The following CSMD1 variants were observed in gnomAD, a reference collection of about 807,000 sequenced individuals.
CSMD1 encodes CUB and sushi domain-containing protein 1.
Under a neutral mutation model 417.5 loss-of-function variants are expected in CSMD1, and 213 were observed. That is an observed-to-expected ratio of 0.51 (90% CI 0.46 to 0.57). The LOEUF (loss-of-function observed/expected upper bound fraction) is 0.57. Ranked by LOEUF, CSMD1 falls within the 20% of genes least tolerant of loss-of-function variation. The pLI, the probability that CSMD1 is intolerant of heterozygous loss-of-function variation, is 0.00. For synonymous variants in CSMD1, 2,862 were observed against 1,736.8 expected (o/e 1.65, Z -16.11); for missense variants, 6,923 against 4,529.7 (o/e 1.53, Z -15.17).
At chr8:3,434,271 A>C (rs1309243818) in intron 12 of CSMD1, among the ~76,000 whole-genome samples, 2 of 152,134 alleles carry the variant, frequency 1.3e-5, no homozygotes, top group African/African-American at 4.8e-5. Context: ...ACTGTGTTTC[A>C]TTTTCAGGTT....
At chr8:4,704,401 T>G (rs994414235) in intron 1 of CSMD1, among the ~76,000 whole-genome samples, 1 of 152,248 alleles carries the variant, frequency 6.6e-6, no homozygotes, top group Admixed American at 6.5e-5. Flanking sequence ...TTTATTTACT[T>G]ATCTATTGTT....
At chr8:3,789,509 A>T (rs1799616759) in intron 5 of CSMD1, among the ~76,000 whole-genome samples, 1 of 148,954 alleles carries the variant, frequency 6.7e-6, no homozygotes, top group African/African-American at 2.5e-5. Flanking sequence ...ATGAAATGCT[A>T]CCATTCAGGT....
In CSMD1 at chr8:4,812,597, CT is replaced by C. The variant is rs1188345730; in HGVS notation, c.86-175040del. ...ATATATTAAAGTCAATCCAAGCAAG[CT>C]TTTTTTAAAAAAACCTACATACAAT... is the stretch of plus-strand genomic sequence containing the variant. On this transcript the variant is annotated intron_variant, in intron 1 of 69. Transcript: ENST00000635120. Among the ~76,000 whole-genome samples, 11 of 151,524 alleles carry C rather than the reference CT, an allele frequency of 7.3e-5. No individual in the cohort carries two copies. In the East Asian group the frequency reaches 1.6e-3, roughly 22 times the overall value.
chr8:4,556,406 A>T (rs1396301669), intron 2 of CSMD1, among the ~76,000 whole-genome samples: 2 of 152,150 alleles, frequency 1.3e-5, no homozygotes, highest in African/African-American at 4.8e-5. Flanking sequence ...AGCTGGCAAG[A>T]CTACACGGAG....
At chr8:4,086,238 G>C (rs1800412342) in intron 3 of CSMD1, among the ~76,000 whole-genome samples, 1 of 151,968 alleles carries the variant, frequency 6.6e-6, no homozygotes, top group Non-Finnish European at 1.5e-5. Flanking sequence ...ACATCTTCAT[G>C]AACAAAGACA....
At chr8:3,678,849 G>T (rs1363777007) in intron 7 of CSMD1, among the ~76,000 whole-genome samples, 2 of 152,118 alleles carry the variant, frequency 1.3e-5, no homozygotes, top group African/African-American at 2.4e-5. Flanking sequence ...TCAGCAGAAA[G>T]TCTACAAGCC....
At chr8:3,124,100 T>C (rs1294084263) in intron 41 of CSMD1, among the ~76,000 whole-genome samples, 11 of 152,212 alleles carry the variant, frequency 7.2e-5, no homozygotes, top group Non-Finnish European at 1.2e-4. Context: ...GTTGTTTTTT[T>C]TTCTTTTCTC....
intron 25 of CSMD1, among the ~76,000 whole-genome samples, chr8:3,292,380 C>G (rs1450960267): frequency 1.3e-5 from 2 of 151,978 alleles, no homozygotes; most frequent in East Asian, 3.9e-4. Context: ...CCTGGGTATC[C>G]TTGTTAACTT....
At chr8:4,753,684 C>T (rs1423573017) in intron 1 of CSMD1, among the ~76,000 whole-genome samples, 1 of 152,152 alleles carries the variant, frequency 6.6e-6, no homozygotes, top group South Asian at 2.1e-4. Flanking sequence ...CCTGGTGTCT[C>T]TTCTGACCTT....
At chr8:3,235,916 GTT>G (rs11414439) in intron 26 of CSMD1, among the ~76,000 whole-genome samples, 3 of 119,374 alleles carry the variant, frequency 2.5e-5, no homozygotes, top group African/African-American at 3.2e-5. Flanking sequence ...GAAGATGTAA[GTT>G]TTTTTTTTTT....
At chr8:4,538,201 T>TC (rs951521719) in intron 2 of CSMD1, among the ~76,000 whole-genome samples, 13 of 151,776 alleles carry the variant, frequency 8.6e-5, no homozygotes, top group African/African-American at 3.1e-4. Flanking sequence ...ATTTTTTTTT[T>TC]TTTTGCCTGC....
chr8:4,423,204 C>T (rs1306662229), intron 2 of CSMD1, among the ~76,000 whole-genome samples: 1 of 152,002 alleles, frequency 6.6e-6, no homozygotes, highest in African/African-American at 2.4e-5. Flanking sequence ...CTGGAATATC[C>T]TGCAAATACA....
At chr8:3,027,005 A>T (rs1276725392) in intron 51 of CSMD1, among the ~76,000 whole-genome samples, 1 of 152,160 alleles carries the variant, frequency 6.6e-6, no homozygotes, top group Non-Finnish European at 1.5e-5. Flanking sequence ...TTTAGCCAGC[A>T]TCCCAATTTA....
chr8:3,247,318 C>T (rs540821329), intron 26 of CSMD1, among the ~76,000 whole-genome samples: 13 of 152,310 alleles, frequency 8.5e-5, no homozygotes, highest in Admixed American at 2.6e-4. Context: ...GCTACCTGGA[C>T]GCAGACTCCT....
intron 2 of CSMD1, among the ~76,000 whole-genome samples, chr8:4,576,172 G>A (rs1234545414): frequency 6.6e-6 from 1 of 152,310 alleles, no homozygotes; most frequent in Non-Finnish European, 1.5e-5. Flanking sequence ...CGAGTTATGT[G>A]CACTAAGCTG....
chr8:3,698,949 T>A (rs1308109232), intron 7 of CSMD1, among the ~76,000 whole-genome samples: 1 of 152,192 alleles, frequency 6.6e-6, no homozygotes, highest in African/African-American at 2.4e-5. Context: ...GTGTTCTAAG[T>A]CAGGCATCCA....
At chr8:3,885,345 A>G (rs771255515) in intron 5 of CSMD1, among the ~76,000 whole-genome samples, 2 of 152,166 alleles carry the variant, frequency 1.3e-5, no homozygotes, top group Non-Finnish European at 2.9e-5. Context: ...AGTGACATTT[A>G]TATTGTTAAA....
In CSMD1 at chr8:4,017,223, T is replaced by C. The variant is rs560519761; in HGVS notation, c.610+14682A>G. Among the ~76,000 whole-genome samples the C allele has an allele frequency of 1.8e-3, 268 of 152,348 alleles. 1 individual carries two copies. The highest frequency in any genetic ancestry group is 3.4e-3 in the Middle Eastern group (1 of 294). ...TTAAAGTTTTTTCTACTATTTTAAA[T>C]TGTCAGCACTATTTTTTTCACAATT... On this transcript the variant is annotated intron_variant, in intron 4 of 69. Coordinates refer to ENST00000635120, the MANE Select transcript of CSMD1 (RefSeq NM_033225.6).
intron 2 of CSMD1, among the ~76,000 whole-genome samples, chr8:4,446,944 A>AAAC: frequency 6.6e-6 from 1 of 151,812 alleles, no homozygotes; most frequent in African/African-American, 2.4e-5. Flanking sequence ...TTTAAAAAAA[A>AAAC]AAAAAACATT....
Sources: gnomAD v4.1 joint callset for allele counts (sites outside exome capture counted in the v4.1 genomes callset) on GRCh38, gnomAD v4.1.1 for gene constraint, MANE v1.5 for transcripts, NCBI Gene and HGNC (gene_info 2026-07-23, HGNC 2026-07-21) for gene names.